The following NLGN1 variants were observed in gnomAD, a reference collection of about 807,000 sequenced individuals.
NLGN1 encodes the protein neuroligin 1.
Under a neutral mutation model 65.5 loss-of-function variants are expected in NLGN1, and 12 were observed. The observed-to-expected ratio is 0.18, with a 90% confidence interval of 0.12 to 0.30. The LOEUF is 0.30. Ranked by LOEUF, NLGN1 falls within the 10% of genes least tolerant of loss-of-function variation. The probability of loss-of-function intolerance (pLI) is 1.00; values close to 1 mark genes in which losing one functional copy is unlikely to be tolerated. For synonymous variants in NLGN1, 350 were observed against 359.5 expected, an observed-to-expected ratio of 0.97 and a Z score of 0.30; for missense variants, 750 against 1,007.1, an observed-to-expected ratio of 0.74 and a Z score of 3.46.
intron 4 of NLGN1, among the ~76,000 whole-genome samples, chr3:174,097,900 A>G (rs530458857): frequency 6.6e-6 from 1 of 152,294 alleles, no homozygotes; most frequent in South Asian, 2.1e-4. Context: ...TGAGTGGTGC[A>G]TAGTTAGCAG....
intron 1 of NLGN1, among the ~76,000 whole-genome samples, chr3:173,402,592 A>C (rs1717895070): frequency 6.6e-6 from 1 of 152,080 alleles, no homozygotes; most frequent in Non-Finnish European, 1.5e-5. Context: ...CTCTGGTACG[A>C]CTTCACTGTA....
At chr3:174,111,655 G>A (rs1715240761) in intron 4 of NLGN1, among the ~76,000 whole-genome samples, 1 of 151,872 alleles carries the variant, frequency 6.6e-6, no homozygotes, top group Admixed American at 6.6e-5. Context: ...GGAAAGCAAA[G>A]GAGTAGTGTA....
At chr3:173,526,174 A>G (rs1735608178) in intron 2 of NLGN1, among the ~76,000 whole-genome samples, 1 of 151,940 alleles carries the variant, frequency 6.6e-6, no homozygotes, top group Non-Finnish European at 1.5e-5. Context: ...TGAAGTCCCT[A>G]CTTCTGTATT....
At chr3:173,993,696 T>TAGA (rs1721630835) in intron 4 of NLGN1, among the ~76,000 whole-genome samples, 1 of 110,792 alleles carries the variant, frequency 9.0e-6, no homozygotes. Context: ...AGATAGATAG[T>TAGA]TCAGGAGCCA....
At chr3:173,834,408 A>G (rs1171482375) in intron 4 of NLGN1, among the ~76,000 whole-genome samples, 2 of 152,100 alleles carry the variant, frequency 1.3e-5, no homozygotes, top group Non-Finnish European at 2.9e-5. Context: ...AAATTTTACT[A>G]TATTTTATTG....
chr3:173,866,254 G>A (rs1381759826), intron 4 of NLGN1, among the ~76,000 whole-genome samples: 2 of 152,102 alleles, frequency 1.3e-5, no homozygotes, highest in Non-Finnish European at 2.9e-5. Context: ...TAATTAGATA[G>A]GTAGTGATTC....
intron 4 of NLGN1, among the ~76,000 whole-genome samples, chr3:174,145,419 A>G (rs1188771930): frequency 6.6e-6 from 1 of 152,128 alleles, no homozygotes; most frequent in East Asian, 1.9e-4. Flanking sequence ...AGGCTGAGGC[A>G]GGAGAATTGC....
intron 2 of NLGN1, among the ~76,000 whole-genome samples, chr3:173,465,919 T>G (rs17319099): frequency 0.17 from 25,230 of 152,102 alleles, 2,162 homozygotes; most frequent in Middle Eastern, 0.26. Flanking sequence ...GAGAAGATAC[T>G]TGGTGACTTG....
intron 3 of NLGN1, among the ~76,000 whole-genome samples, chr3:173,805,072 G>C (rs114428425): frequency 0.012 from 1,895 of 152,188 alleles, 46 homozygotes; most frequent in African/African-American, 0.043. Flanking sequence ...GGACCACTCT[G>C]ACAATGCACT....
intron 4 of NLGN1, among the ~76,000 whole-genome samples, chr3:174,163,147 C>G (rs1726871193): frequency 1.3e-5 from 2 of 152,128 alleles, no homozygotes; most frequent in African/African-American, 2.4e-5. Flanking sequence ...CCACTGTCTA[C>G]TAGACTAGAT....
chr3:174,082,512 T>C (rs1742434790), intron 4 of NLGN1, among the ~76,000 whole-genome samples: 1 of 151,754 alleles, frequency 6.6e-6, no homozygotes, highest in South Asian at 2.1e-4. Context: ...TTAAAAATAA[T>C]GGTAAAAAAG....
At chr3:174,053,639 G>T (rs1735396458) in intron 4 of NLGN1, among the ~76,000 whole-genome samples, 1 of 151,914 alleles carries the variant, frequency 6.6e-6, no homozygotes, top group African/African-American at 2.4e-5. Flanking sequence ...TTGAACAGTT[G>T]TGTCCCTTTT....
chr3:173,773,765 A>G (rs955997467), intron 3 of NLGN1, among the ~76,000 whole-genome samples: 2 of 152,188 alleles, frequency 1.3e-5, no homozygotes, highest in Non-Finnish European at 2.9e-5. Flanking sequence ...ATATAACTGT[A>G]TATATAAATA....
intron 2 of NLGN1, among the ~76,000 whole-genome samples, chr3:173,508,503 T>C (rs567289787): frequency 3.3e-5 from 5 of 152,304 alleles, no homozygotes; most frequent in South Asian, 2.1e-4. Flanking sequence ...CCCCGTATTA[T>C]ACATCTGCAG....
At position 173,730,326 on chromosome 3, in the gene NLGN1, C is replaced by CG. The variant is rs1553822073; in HGVS notation, c.494-77354_494-77353insG. On this transcript the variant is annotated intron_variant, in intron 3 of 6. Transcript: ENST00000457714. ...AACACACTACTGCCCCACCGCTCCCCCCCCCCCGCAAAAATAGAATGAAAG... is the reference window on the plus strand; with the variant it reads ...AACACACTACTGCCCCACCGCTCCCCGCCCCCCCGCAAAAATAGAATGAAAG... 2.2e-5 allele frequency among the ~76,000 whole-genome samples: 3 copies of CG among 136,852 alleles called. 1 individual carries two copies. The highest frequency in any genetic ancestry group is 8.4e-5 in the African/African-American group (3 of 35,698). The allele number at this position is 136,852 out of a possible 152,430, so 89.8% of individuals were successfully genotyped here. A position where few individuals can be genotyped will look rare whatever the true frequency, so the allele number is the denominator to read the frequency against.
At chr3:174,266,953 T>C (rs1365678291) in intron 4 of NLGN1, among the ~76,000 whole-genome samples, 2 of 152,178 alleles carry the variant, frequency 1.3e-5, no homozygotes, top group African/African-American at 4.8e-5. Flanking sequence ...AATTTGTTAG[T>C]TGATTATAGC....
chr3:173,614,850 G>C (rs9822368), intron 3 of NLGN1, among the ~76,000 whole-genome samples: 90,886 of 151,884 alleles, frequency 0.6, 28,347 homozygotes, highest in Non-Finnish European at 0.69. Context: ...TTCTTCCAGA[G>C]CAAAGGGAGC....
At chr3:174,125,586 A>G (rs1411924260) in intron 4 of NLGN1, among the ~76,000 whole-genome samples, 2 of 152,138 alleles carry the variant, frequency 1.3e-5, no homozygotes, top group African/African-American at 4.8e-5. Context: ...AAATGGAGAT[A>G]CTGAATAGGC....
chr3:173,446,580 C>A (rs1309287781), intron 2 of NLGN1, among the ~76,000 whole-genome samples: 1 of 152,146 alleles, frequency 6.6e-6, no homozygotes, highest in East Asian at 1.9e-4. Context: ...GGTATATACC[C>A]AGTTATGGGA....
Sources: allele counts gnomAD v4.1 joint callset (sites outside exome capture counted in the v4.1 genomes callset), GRCh38; gene constraint gnomAD v4.1.1; transcripts MANE v1.5; gene names NCBI Gene and HGNC (gene_info 2026-07-23, HGNC 2026-07-21).